Variants in CHD7 observed in about 807,000 individuals in gnomAD.
CHD7 encodes the protein chromodomain helicase DNA binding protein 7, also known as ATP-dependent chromatin remodeler CHD7.
A neutral mutation model predicts 307.3 loss-of-function variants in CHD7; 24 were observed. That is an observed-to-expected ratio of 0.08 (90% CI 0.06 to 0.11). CHD7 has a LOEUF of 0.11. CHD7 is among the 10% of genes least tolerant of loss of function. CHD7 has a pLI of 1.00. For synonymous variants in CHD7, 1,363 were observed against 1,349.9 expected, an observed-to-expected ratio of 1.01 and a Z score of -0.21; for missense variants, 3,106 against 3,727.1, an observed-to-expected ratio of 0.83 and a Z score of 4.34.
At chr8:60,768,195 A>C (rs1810561251) in intron 2 of CHD7, among the ~76,000 whole-genome samples, 1 of 151,916 alleles carries the variant, frequency 6.6e-6, no homozygotes, top group Non-Finnish European at 1.5e-5. Flanking sequence ...TCCTTACTCC[A>C]TTTTCATTTT....
At chr8:60,744,482 T>A in intron 2 of CHD7, among the ~76,000 whole-genome samples, 1 of 43,648 alleles carries the variant, frequency 2.3e-5, no homozygotes, top group South Asian at 2.8e-3. Flanking sequence ...AGCAGCATTT[T>A]TTTTTTTTTT....
intron 16 of CHD7, 61 bp from the exon 17 acceptor site, chr8:60,836,756 A>C: frequency 8.1e-7 from 1 of 1,230,726 alleles, no homozygotes; most frequent in Non-Finnish European, 1.2e-6. Context: ...AAAATTAAAA[A>C]AAGGAGCAAG....
intron 14 of CHD7, 148 bp from the exon 15 acceptor site, chr8:60,830,174 A>C: frequency 3.9e-6 from 3 of 770,422 alleles, no homozygotes; most frequent in Non-Finnish European, 6.2e-6. Context: ...ATGAAAGCTG[A>C]GAGATGAGCT....
At chr8:60,782,446 A>T (rs1811295838) in intron 3 of CHD7, among the ~76,000 whole-genome samples, 1 of 152,216 alleles carries the variant, frequency 6.6e-6, no homozygotes. Flanking sequence ...GAAAGGACAA[A>T]CTTGGACTTG....
rs546912532 is a variant in CHD7 at position 60,850,350 on chromosome 8, A to C, written c.5405-143A>C. On this transcript the variant is annotated intron_variant, in intron 25 of 37. Transcript: ENST00000423902. ...GGAGCGTTCCATAGAATGATCTACT[A>C]AAACAAGGTCCACTTGGATTCAACA... is the stretch of plus-strand genomic sequence containing the variant. 76 of 1,011,538 alleles carry C rather than the reference A, an allele frequency of 7.5e-5. No homozygotes were observed. The African/African-American group carries it at 1.2e-3, about 15-fold the overall frequency. The allele number at this position is 1,011,538 out of a possible 1,614,324, so 62.7% of individuals were successfully genotyped here. A position where few individuals can be genotyped will look rare whatever the true frequency, so the allele number is the denominator to read the frequency against.
intron 1 of CHD7, among the ~76,000 whole-genome samples, chr8:60,684,097 T>G (rs1371261768): frequency 6.6e-6 from 1 of 152,142 alleles, no homozygotes; most frequent in African/African-American, 2.4e-5. Context: ...TTTTTTGGGG[T>G]TTCTGTTCTG....
At chr8:60,752,326 T>G (rs899018101) in intron 2 of CHD7, among the ~76,000 whole-genome samples, 3 of 152,214 alleles carry the variant, frequency 2.0e-5, no homozygotes, top group Admixed American at 1.3e-4. Flanking sequence ...TGGAGGGTTT[T>G]TCGAATGGCA....
intron 9 of CHD7, 64 bp from the exon 10 acceptor site, chr8:60,821,726 A>C: frequency 7.2e-7 from 1 of 1,392,958 alleles, no homozygotes; most frequent in Non-Finnish European, 9.8e-7. Context: ...ATATACACAT[A>C]TATATGTATA....
intron 3 of CHD7, among the ~76,000 whole-genome samples, chr8:60,788,129 CTT>C (rs916190577): frequency 1.4e-5 from 2 of 144,324 alleles, no homozygotes; most frequent in South Asian, 2.2e-4. Context: ...CCCCAGGTGA[CTT>C]TTTTTTTTTT....
chr8:60,822,250 G>T, intron 11 of CHD7, 105 bp downstream of exon 11: 1 of 1,011,970 alleles, frequency 9.9e-7, no homozygotes, highest in South Asian at 2.5e-5. Flanking sequence ...TCTAATAAGA[G>T]CTTTTTCAAA....
chr8:60,816,533 T>A, intron 8 of CHD7, 32 bp downstream of exon 8: 1 of 1,212,110 alleles, frequency 8.3e-7, no homozygotes, highest in Non-Finnish European at 1.2e-6. Context: ...TTCCAAAGTA[T>A]TTACTTTGTT....
intron 7 of CHD7, 57 bp from the exon 8 acceptor site, chr8:60,816,330 A>G: frequency 4.1e-6 from 4 of 971,150 alleles, no homozygotes; most frequent in Non-Finnish European, 6.2e-6. Context: ...TGAATAAGAC[A>G]TAATAAAGGA....
chr8:60,738,592 A>T (rs937651705), intron 1 of CHD7, among the ~76,000 whole-genome samples: 2 of 152,164 alleles, frequency 1.3e-5, no homozygotes, highest in East Asian at 1.9e-4. Context: ...GATCAAATTT[A>T]AAAAAAGGAC....
intron 1 of CHD7, among the ~76,000 whole-genome samples, chr8:60,710,144 G>A (rs545056009): frequency 6.6e-6 from 1 of 151,946 alleles, no homozygotes; most frequent in Non-Finnish European, 1.5e-5. Flanking sequence ...AGGAGGCAGT[G>A]GGGAAGAGGG....
chr8:60,817,308 C>A (rs1803796114), intron 8 of CHD7, among the ~76,000 whole-genome samples: 1 of 152,152 alleles, frequency 6.6e-6, no homozygotes, highest in Non-Finnish European at 1.5e-5. Context: ...AAGAAGCGTA[C>A]AATTTGATGC....
chr8:60,809,233 A>G (rs1812679479), intron 7 of CHD7, among the ~76,000 whole-genome samples: 1 of 152,228 alleles, frequency 6.6e-6, no homozygotes, highest in Admixed American at 6.5e-5. Flanking sequence ...AAAGATAAAG[A>G]AGTCTCTATC....
rs535723650 is a variant in CHD7, at chr8:60,855,173, G to C, written c.6936+650G>C. ...TGAGCTTCAGTCAGCCTACCCCCCA[G>C]GCTCGTCTTTCCCAGTATTATTGTG... is the stretch of plus-strand genomic sequence containing the variant. On this transcript the variant is annotated intron_variant, in intron 32 of 37. Coordinates refer to ENST00000423902, the MANE Select transcript of CHD7 (RefSeq NM_017780.4). 2.0e-5 allele frequency: 3 copies of C among 152,118 alleles called. No individual in the cohort carries two copies. The South Asian group carries it at 6.2e-4, about 32-fold the overall frequency. 9.4% of individuals were successfully genotyped at this position (152,118 alleles called of 1,614,324 possible).
At chr8:60,761,854 A>C (rs866642491) in intron 2 of CHD7, among the ~76,000 whole-genome samples, 3 of 152,310 alleles carry the variant, frequency 2.0e-5, no homozygotes, top group Middle Eastern at 3.4e-3. Context: ...AGTTGGATAA[A>C]GTAAGATCTT....
rs866160657 is a variant in CHD7 at position 60,765,172 on chromosome 8, T to C, written c.1666-15828T>C. Reference sequence around the variant, plus strand: ...GCAGACAATAGGCCTCTGGTATGTGTCAGTCCCTGCATTAGATGTTGGGGA... The same window carrying C: ...GCAGACAATAGGCCTCTGGTATGTGCCAGTCCCTGCATTAGATGTTGGGGA... On this transcript the variant is annotated intron_variant, in intron 2 of 37. Transcript: ENST00000423902. Among the ~76,000 whole-genome samples the C allele has an allele frequency of 3.3e-5, 5 of 151,752 alleles. No individual in the cohort carries two copies. In the South Asian group the frequency reaches 8.3e-4, roughly 25 times the overall value.
Sources: gnomAD v4.1 joint callset for allele counts (sites outside exome capture counted in the v4.1 genomes callset) on GRCh38, gnomAD v4.1.1 for gene constraint, MANE v1.5 for transcripts, NCBI Gene and HGNC (gene_info 2026-07-23, HGNC 2026-07-21) for gene names.